Variants in HYAL4 observed in about 807,000 individuals in gnomAD.
HYAL4 encodes the protein hyaluronidase 4, also known as hyaluronidase-4.
A neutral mutation model predicts 35.2 loss-of-function variants in HYAL4; 37 were observed. That is an observed-to-expected ratio of 1.05 (90% CI 0.81 to 1.38). HYAL4 has a LOEUF of 1.38. Among genes scored for constraint, HYAL4 ranks in the 40% most tolerant of loss-of-function variants. The probability of loss-of-function intolerance (pLI) is 0.00; values close to 1 mark genes in which losing one functional copy is unlikely to be tolerated. For missense variants in HYAL4, 572 were observed against 572.4 expected, an observed-to-expected ratio of 1.00 and a Z score of 0.01; for synonymous variants, 198 against 203.2, an observed-to-expected ratio of 0.97 and a Z score of 0.22.
At chr7:123,802,472 C>A in the HYAL4 span, among the ~76,000 whole-genome samples, 1 of 151,628 alleles carries the variant, frequency 6.6e-6, no homozygotes, top group East Asian at 1.9e-4. Flanking sequence ...TGGCACACAT[C>A]AACAGTGCTT....
At chr7:123,835,040 G>GT (rs201786350) in intron 1 of HYAL4, among the ~76,000 whole-genome samples, 378 of 149,898 alleles carry the variant, frequency 2.5e-3, no homozygotes, top group African/African-American at 7.2e-3. Context: ...TCTGTAGTTT[G>GT]TTTTTTTTTG....
At chr7:123,828,272 TACTG>T (rs1376026221), upstream of HYAL4, among the ~76,000 whole-genome samples, 5 of 152,114 alleles carry the variant, frequency 3.3e-5, no homozygotes, top group African/African-American at 1.2e-4. Flanking sequence ...TATTATGAAA[TACTG>T]ACCAGCAATT....
At chr7:123,786,711 A>G in the HYAL4 span, among the ~76,000 whole-genome samples, 1 of 128,862 alleles carries the variant, frequency 7.8e-6, no homozygotes, top group Non-Finnish European at 1.7e-5. Context: ...TATGTATCAC[A>G]TGCTATCTAT....
chr7:123,869,767 A>AC (rs1584926761), intron 3 of HYAL4, among the ~76,000 whole-genome samples: 3 of 149,166 alleles, frequency 2.0e-5, no homozygotes, highest in Non-Finnish European at 1.5e-5. Context: ...GGCTCACTGC[A>AC]CCCCCCACCT....
the HYAL4 span, among the ~76,000 whole-genome samples, chr7:123,804,326 T>TGGA: frequency 3.1e-3 from 476 of 152,302 alleles, 2 homozygotes; most frequent in African/African-American, 0.011. Context: ...ACCCCTCATA[T>TGGA]GGAAGTCTGG....
chr7:123,764,814 A>G, the HYAL4 span, among the ~76,000 whole-genome samples: 1 of 152,134 alleles, frequency 6.6e-6, no homozygotes, highest in Non-Finnish European at 1.5e-5. Context: ...TCCCACCTTC[A>G]TTGGAAGATC....
At chr7:123,824,905 A>G (rs998008111), upstream of HYAL4, among the ~76,000 whole-genome samples, 3 of 152,148 alleles carry the variant, frequency 2.0e-5, no homozygotes, top group Non-Finnish European at 4.4e-5. Flanking sequence ...TGCAGAGTGA[A>G]TAAATAAACA....
intron 2 of HYAL4, among the ~76,000 whole-genome samples, chr7:123,855,221 A>G (rs1353184112): frequency 6.6e-6 from 1 of 152,038 alleles, no homozygotes; most frequent in African/African-American, 2.4e-5. Flanking sequence ...TAATATTTTT[A>G]TGTGTGAATT....
the HYAL4 span, among the ~76,000 whole-genome samples, chr7:123,803,777 A>G: frequency 6.6e-6 from 1 of 152,242 alleles, no homozygotes; most frequent in African/African-American, 2.4e-5. Context: ...GTCTGTTACC[A>G]TTTGTACATG....
the HYAL4 span, among the ~76,000 whole-genome samples, chr7:123,818,185 T>C: frequency 6.6e-6 from 1 of 152,214 alleles, no homozygotes; most frequent in Non-Finnish European, 1.5e-5. Context: ...CCAGTTGTCT[T>C]AACACTTTAA....
chr7:123,794,194 G>C, the HYAL4 span, among the ~76,000 whole-genome samples: 2 of 152,206 alleles, frequency 1.3e-5, no homozygotes, highest in African/African-American at 4.8e-5. Context: ...ACTTGAGAGA[G>C]ATGATTTAGG....
the HYAL4 span, among the ~76,000 whole-genome samples, chr7:123,820,312 C>T: frequency 6.6e-5 from 10 of 152,132 alleles, no homozygotes; most frequent in East Asian, 9.7e-4. Context: ...CGGTGGCTCA[C>T]GCCTGTAATC....
chr7:123,781,054 G>A, the HYAL4 span, among the ~76,000 whole-genome samples: 1 of 47,948 alleles, frequency 2.1e-5, no homozygotes, highest in Non-Finnish European at 3.9e-5. Flanking sequence ...CCCGACACCC[G>A]TAAAGGGTCT....
the HYAL4 span, among the ~76,000 whole-genome samples, chr7:123,763,840 C>G: frequency 6.6e-6 from 1 of 152,220 alleles, no homozygotes; most frequent in Non-Finnish European, 1.5e-5. Flanking sequence ...CACCTCCAAC[C>G]CCTCACTCAA....
chr7:123,868,976 G>A lies in HYAL4; in HGVS notation c.703G>A (p.Gly235Arg). The change falls in exon 3 of 5, where the codon GGG (glycine) becomes AGG (arginine). Residue 235 changes from glycine to arginine, a missense_variant. By Grantham distance (125) the Gly-to-Arg change is moderately radical (BLOSUM62 -2). Coordinates refer to ENST00000223026, the MANE Select transcript of HYAL4 (RefSeq NM_012269.3). ...TAACGTTTATGCCCCAAACTACTCTGGGTCATGCCCAGAAGACGAAGTCTT... is the reference window on the plus strand; with the variant it reads ...TAACGTTTATGCCCCAAACTACTCTAGGTCATGCCCAGAAGACGAAGTCTT... ...NYNVYAPNYS[G>R]SCPEDEVLRN... is the part of the protein sequence containing the mutation. 6.2e-7 allele frequency: 1 copy of A among 1,613,900 alleles called. No homozygotes were observed. Among genetic ancestry groups the A allele is most frequent in the African/African-American group, 1.3e-5 (1 of 75,004 alleles).
chr7:123,770,207 T>C, the HYAL4 span, among the ~76,000 whole-genome samples: 19 of 151,802 alleles, frequency 1.3e-4, no homozygotes, highest in African/African-American at 4.6e-4. Flanking sequence ...AAATCCCCTT[T>C]GGGAGGCCGA....
chr7:123,796,364 A>G, the HYAL4 span, among the ~76,000 whole-genome samples: 4 of 152,198 alleles, frequency 2.6e-5, no homozygotes, highest in African/African-American at 9.7e-5. Flanking sequence ...TTTTAAAGAA[A>G]CATTTACGTG....
the HYAL4 span, among the ~76,000 whole-genome samples, chr7:123,808,073 C>T: frequency 6.6e-6 from 1 of 151,690 alleles, no homozygotes; most frequent in Non-Finnish European, 1.5e-5. Context: ...CTATAGTTGC[C>T]CAGCCAGGGC....
chr7:123,807,917 T>A, the HYAL4 span, among the ~76,000 whole-genome samples: 11 of 133,950 alleles, frequency 8.2e-5, no homozygotes, highest in African/African-American at 1.4e-4. Context: ...GCTGGATAAT[T>A]ATTATTATTA....
Sources: gnomAD v4.1 joint callset for allele counts (sites outside exome capture counted in the v4.1 genomes callset) on GRCh38, gnomAD v4.1.1 for gene constraint, MANE v1.5 for transcripts, NCBI Gene and HGNC (gene_info 2026-07-23, HGNC 2026-07-21) for gene names.